Variants in MTRF1 observed in about 807,000 individuals in gnomAD.
The protein encoded by MTRF1 is mitochondrial translation release factor 1, also known as peptide chain release factor 1, mitochondrial.
A neutral mutation model predicts 62.9 loss-of-function variants in MTRF1; 51 were observed. That is an observed-to-expected ratio of 0.81 (90% CI 0.65 to 1.02). MTRF1 has a LOEUF of 1.02. Among genes scored for constraint, MTRF1 ranks in the 50% least tolerant of loss-of-function variants. The pLI is 0.00. For missense variants in MTRF1, 446 were observed against 530.0 expected (o/e 0.84, Z 1.56); for synonymous variants, 158 against 181.9 (o/e 0.87, Z 1.06).
At chr13:41,290,089 CTTTTTTTTT>C in the MTRF1 span, among the ~76,000 whole-genome samples, 1 of 78,498 alleles carries the variant, frequency 1.3e-5, no homozygotes, top group Admixed American at 1.8e-4. Flanking sequence ...TGTAATAGTT[CTTTTTTTTT>C]TTTTTTTTTT....
At chr13:41,311,453 G>A in the MTRF1 span, 6 of 1,432,830 alleles carry the variant, frequency 4.2e-6, no homozygotes, top group Non-Finnish European at 5.8e-6. Context: ...GGTTCGTCCC[G>A]GTGCCCACCC....
At chr13:41,293,448 T>G in the MTRF1 span, among the ~76,000 whole-genome samples, 11 of 152,306 alleles carry the variant, frequency 7.2e-5, no homozygotes, top group South Asian at 2.1e-3. Flanking sequence ...TATCTTTCTC[T>G]GCTAGATATC....
intron 7 of MTRF1, chr13:41,229,221 T>A (rs534702663): frequency 1.7e-4 from 26 of 152,182 alleles, no homozygotes; most frequent in Non-Finnish European, 3.4e-4. Flanking sequence ...ATGTAATAAT[T>A]GTACATATTT....
intron 1 of MTRF1, 169 bp downstream of exon 1, chr13:41,263,316 G>A (rs1224075163): frequency 7.8e-7 from 1 of 1,288,976 alleles, no homozygotes. Context: ...CACAGTAACA[G>A]TATTACTCTG....
At chr13:41,222,603 G>C (rs2033622464) in intron 9 of MTRF1, among the ~76,000 whole-genome samples, 1 of 152,228 alleles carries the variant, frequency 6.6e-6, no homozygotes, top group Admixed American at 6.5e-5. Flanking sequence ...AGTCATTCCT[G>C]CAAGAAGAGA....
At chr13:41,301,348 C>T in the MTRF1 span, among the ~76,000 whole-genome samples, 1 of 152,062 alleles carries the variant, frequency 6.6e-6, no homozygotes, top group African/African-American at 2.4e-5. Flanking sequence ...CTGGGGGAAT[C>T]GCAGAATGGT....
intron 8 of MTRF1, among the ~76,000 whole-genome samples, chr13:41,224,878 A>G (rs1486923392): frequency 6.6e-6 from 1 of 152,204 alleles, no homozygotes; most frequent in East Asian, 1.9e-4. Flanking sequence ...AAGACACATG[A>G]ACAATTTGCA....
At chr13:41,292,934 A>G in the MTRF1 span, among the ~76,000 whole-genome samples, 1 of 152,092 alleles carries the variant, frequency 6.6e-6, no homozygotes, top group African/African-American at 2.4e-5. Context: ...AGACACTATC[A>G]CCAAAAAACT....
chr13:41,270,012 T>C, the MTRF1 span, among the ~76,000 whole-genome samples: 1 of 152,252 alleles, frequency 6.6e-6, no homozygotes, highest in African/African-American at 2.4e-5. Context: ...GATTAGAAAT[T>C]ATAGTAATCT....
rs1389709672 is a variant in MTRF1 at position 41,260,716 on chromosome 13, T to C, written c.192A>G (p.Gln64=). The C allele has an allele frequency of 6.2e-7, 1 of 1,614,100 alleles. No homozygotes were observed. Among genetic ancestry groups the C allele is most frequent in the Non-Finnish European group, 8.5e-7 (1 of 1,180,028 alleles). ...TATGCTTCCAGAGCATCTTGGTGTCTTGATGGCAATATCTCCTGGACCAAT... is the reference window on the plus strand; with the variant it reads ...TATGCTTCCAGAGCATCTTGGTGTCCTGATGGCAATATCTCCTGGACCAAT... ...SKNWSRRYCH[Q]DTKMLWKHKA... The change falls in exon 2 of 10, where the codon CAA becomes CAG. Residue 64 remains glutamine, a synonymous_variant. Transcript: ENST00000379480.
chr13:41,275,068 T>C, the MTRF1 span, among the ~76,000 whole-genome samples: 2 of 152,238 alleles, frequency 1.3e-5, no homozygotes, highest in Non-Finnish European at 2.9e-5. Flanking sequence ...CTAGCATTCC[T>C]ATGCATGATG....
At chr13:41,311,919 A>C in the MTRF1 span, among the ~76,000 whole-genome samples, 1 of 152,210 alleles carries the variant, frequency 6.6e-6, no homozygotes, top group African/African-American at 2.4e-5. Context: ...CCGGGCTCGC[A>C]GCAGCCCCTC....
At chr13:41,296,302 G>A in the MTRF1 span, among the ~76,000 whole-genome samples, 10 of 149,742 alleles carry the variant, frequency 6.7e-5, no homozygotes, top group South Asian at 2.1e-4. Context: ...TTAAACTCCC[G>A]GCCTCAAGCA....
At chr13:41,271,530 A>G in the MTRF1 span, among the ~76,000 whole-genome samples, 5 of 152,148 alleles carry the variant, frequency 3.3e-5, no homozygotes, top group Non-Finnish European at 5.9e-5. Flanking sequence ...GTGTGCCACC[A>G]TTGAGTCGTT....
chr13:41,259,701 C>CAA (rs67069580), intron 2 of MTRF1, among the ~76,000 whole-genome samples: 2,053 of 29,060 alleles, frequency 0.071, 83 homozygotes, highest in African/African-American at 0.21. Context: ...GACTCCGTCT[C>CAA]AAAAAAAAAA....
At chr13:41,255,587 G>A (rs1321214065) in intron 2 of MTRF1, among the ~76,000 whole-genome samples, 1 of 152,140 alleles carries the variant, frequency 6.6e-6, no homozygotes, top group Non-Finnish European at 1.5e-5. Context: ...AGCTACTCGG[G>A]AGGCTGAGGC....
chr13:41,252,804 C>A, intron 4 of MTRF1, 52 bp from the exon 5 acceptor site: 1 of 1,498,252 alleles, frequency 6.7e-7, no homozygotes. Context: ...GGAAAGCCAC[C>A]CTTAAGACTA....
chr13:41,277,498 G>C, the MTRF1 span, among the ~76,000 whole-genome samples: 4 of 152,106 alleles, frequency 2.6e-5, no homozygotes, highest in Admixed American at 2.0e-4. Flanking sequence ...CCCATCAGGT[G>C]GTTACATTTC....
chr13:41,286,453 T>TA, the MTRF1 span, among the ~76,000 whole-genome samples: 4 of 152,332 alleles, frequency 2.6e-5, no homozygotes, highest in African/African-American at 4.8e-5. Flanking sequence ...GTATAATACT[T>TA]ACGGTTCTTC....
Sources: allele counts gnomAD v4.1 joint callset (sites outside exome capture counted in the v4.1 genomes callset), GRCh38; gene constraint gnomAD v4.1.1; transcripts MANE v1.5; gene names NCBI Gene and HGNC (gene_info 2026-07-23, HGNC 2026-07-21).